Variants in TDP1 observed in about 807,000 individuals in gnomAD.
TDP1 encodes the protein tyr-DNA phosphodiesterase 1.
Under a neutral mutation model 81.5 loss-of-function variants are expected in TDP1, and 64 were observed. The observed-to-expected ratio is 0.79, with a 90% CI of 0.64 to 0.97. The LOEUF is 0.97. Ranked by LOEUF, TDP1 falls within the 50% of genes least tolerant of loss-of-function variation. The probability of loss-of-function intolerance (pLI) is 0.00; values close to 1 mark genes in which losing one functional copy is unlikely to be tolerated. For synonymous variants in TDP1, 256 were observed against 264.3 expected, an observed-to-expected ratio of 0.97 and a Z score of 0.30; for missense variants, 723 against 743.8, an observed-to-expected ratio of 0.97 and a Z score of 0.33.
At chr14:90,017,185 C>T (rs1374184181) in intron 14 of TDP1, among the ~76,000 whole-genome samples, 4 of 151,946 alleles carry the variant, frequency 2.6e-5, no homozygotes, top group South Asian at 2.1e-4. Context: ...AGACATAGTG[C>T]TTTTGCTGTA....
At chr14:90,024,961 C>A (rs1458670058) in intron 15 of TDP1, among the ~76,000 whole-genome samples, 1 of 152,162 alleles carries the variant, frequency 6.6e-6, no homozygotes, top group East Asian at 1.9e-4. Flanking sequence ...CCAGAATTTA[C>A]TTCCTTGAGA....
At chr14:89,972,488 C>T (rs769466423) in intron 6 of TDP1, among the ~76,000 whole-genome samples, 5 of 152,118 alleles carry the variant, frequency 3.3e-5, no homozygotes, top group East Asian at 1.9e-4. Context: ...GGCCAAGAAA[C>T]GGTTATTGCC....
chr14:90,019,069 A>C, intron 14 of TDP1: 1 of 984,916 alleles, frequency 1.0e-6, no homozygotes, highest in South Asian at 4.7e-5. Flanking sequence ...AATTATTTTA[A>C]TAGCTGCCCT....
chr14:90,032,034 G>A (rs189917544), intron 15 of TDP1, among the ~76,000 whole-genome samples: 2 of 152,270 alleles, frequency 1.3e-5, no homozygotes, highest in African/African-American at 2.4e-5. Flanking sequence ...CAAGGATATT[G>A]ATGTTTATGT....
intron 16 of TDP1, among the ~76,000 whole-genome samples, chr14:90,039,055 C>T (rs186945218): frequency 6.6e-6 from 1 of 152,094 alleles, no homozygotes; most frequent in East Asian, 1.9e-4. Context: ...AATCAGGAAG[C>T]TTAAGGAAAT....
In TDP1 at chr14:90,044,120, C is replaced by A. The variant is rs1256854509; in HGVS notation, c.*977C>A. 1 of 152,306 alleles carries A rather than the reference C, an allele frequency of 6.6e-6. No individual in the cohort carries two copies. The highest frequency in any genetic ancestry group is 1.9e-4 in the East Asian group (1 of 5,192). The allele number at this position is 152,306 out of a possible 1,614,324, so 9.4% of individuals were successfully genotyped here. The stretch of plus-strand genomic sequence containing the variant: ...TGGCACCCTGCTGGCTGCCTCACTG[C>A]TTACAGACAGGTCCCACCAAACCCA... On this transcript the variant is annotated 3_prime_UTR_variant, in exon 17 of 17. Transcript: ENST00000335725.
At chr14:89,992,067 A>C (rs1465759405) in intron 13 of TDP1, 84 bp downstream of exon 13, 1 of 1,146,046 alleles carries the variant, frequency 8.7e-7, no homozygotes, top group Non-Finnish European at 1.3e-6. Flanking sequence ...TTTTTTTTAA[A>C]AGGAACTTTA....
chr14:90,002,599 G>A (rs1250675423), intron 14 of TDP1, among the ~76,000 whole-genome samples: 1 of 151,920 alleles, frequency 6.6e-6, no homozygotes, highest in East Asian at 1.9e-4. Context: ...GCTAGGTGCA[G>A]TGGCTCACAC....
At position 89,967,942 on chromosome 14, in the gene TDP1, T is replaced by C. The variant is rs149741811; in HGVS notation, c.659+520T>C. On this transcript the variant is annotated intron_variant, in intron 5 of 16. Coordinates refer to ENST00000335725, the MANE Select transcript of TDP1 (RefSeq NM_018319.4). The stretch of plus-strand genomic sequence containing the variant: ...CTCATGTTAGGCAATACAGACCAAA[T>C]AGGGCATCACACAGGTGCCACCCTT... 5.5e-3 allele frequency among the ~76,000 whole-genome samples: 813 copies of C among 148,736 alleles called. 4 individuals carry two copies. The highest frequency in any genetic ancestry group is 8.7e-3 in the Non-Finnish European group (591 of 67,990).
chr14:89,975,581 G>GTT (rs35133244), intron 6 of TDP1, 200 bp from the exon 7 acceptor site: 4,191 of 266,978 alleles, frequency 0.016, 12 homozygotes, highest in Middle Eastern at 0.019. Flanking sequence ...CAAAATTTGT[G>GTT]TTTTTTTTTT....
At position 89,963,292 on chromosome 14, in the gene TDP1, A is replaced by G. The variant is rs144085779; in HGVS notation, c.178A>G (p.Ile60Val). Residue 60 changes from isoleucine to valine, a missense_variant, in exon 3 of 17, where the codon ATA (isoleucine) becomes GTA (valine). Coordinates refer to ENST00000335725, the MANE Select transcript of TDP1 (RefSeq NM_018319.4). ...EAQKAAHKRKISPVKFSNTDS... is the reference protein window; with the variant it reads ...EAQKAAHKRKVSPVKFSNTDS... Reference sequence around the variant, plus strand: ...CCAGAAAGCTGCACACAAGAGGAAAATATCACCTGTGAAATTCAGCAATAC... The same window carrying G: ...CCAGAAAGCTGCACACAAGAGGAAAGTATCACCTGTGAAATTCAGCAATAC... 6.2e-6 allele frequency: 10 copies of G among 1,614,086 alleles called. 1 individual carries two copies. Among genetic ancestry groups the G allele is most frequent in the Middle Eastern group, 3.3e-4 (2 of 6,084 alleles).
intron 15 of TDP1, chr14:90,032,833 G>T: frequency 1.0e-6 from 1 of 984,860 alleles, no homozygotes; most frequent in Non-Finnish European, 1.2e-6. Context: ...ATCCAAAATT[G>T]TCTCTCTTGT....
At position 90,027,479 on chromosome 14, in the gene TDP1, A is replaced by C. The variant is rs572787938; in HGVS notation, c.1645-5627A>C. Among the ~76,000 whole-genome samples, 5 of 152,170 alleles carry C rather than the reference A, an allele frequency of 3.3e-5. No individual in the cohort carries two copies. In the East Asian group the frequency reaches 9.6e-4, roughly 29 times the overall value. ...CATGTCCCCCAGGCTCCAGCCACCC[A>C]CAAGTATTTGTTAGCATATTAATGC... On this transcript the variant is annotated intron_variant, in intron 15 of 16. Transcript: ENST00000335725.
chr14:90,033,964 G>A (rs992908463), intron 16 of TDP1, among the ~76,000 whole-genome samples: 4 of 152,256 alleles, frequency 2.6e-5, no homozygotes, highest in African/African-American at 9.6e-5. Flanking sequence ...CTATTTGGAT[G>A]GCTGAGGTAG....
intron 14 of TDP1, among the ~76,000 whole-genome samples, chr14:90,010,196 T>G (rs1884537044): frequency 6.6e-6 from 1 of 152,182 alleles, no homozygotes; most frequent in South Asian, 2.1e-4. Flanking sequence ...TTTTTCTGAG[T>G]AAGACCTCAC....
intron 7 of TDP1, chr14:89,980,047 C>T (rs1354886490): frequency 2.9e-6 from 1 of 340,660 alleles, no homozygotes; most frequent in African/African-American, 2.2e-5. Flanking sequence ...CTTTACATTT[C>T]AGTGTATTGT....
chr14:90,008,973 CACTAGGATTACAGGCATGAGCTACCATG>C (rs1596628014), intron 14 of TDP1, among the ~76,000 whole-genome samples: 2 of 152,214 alleles, frequency 1.3e-5, no homozygotes, highest in East Asian at 3.8e-4. Context: ...CTTCCCAAAG[CACTAGGATTACAGGCATGAGCTACCATG>C]TCCAGCTCAA....
chr14:90,043,344 C>G lies in TDP1; in HGVS notation c.*201C>G. On this transcript the variant is annotated 3_prime_UTR_variant, in exon 17 of 17. Coordinates refer to ENST00000335725, the MANE Select transcript of TDP1 (RefSeq NM_018319.4). ...CTAATAAAGTATTAGTTTCTTAATT[C>G]ACTTTTATATGTTTTGGAAAGAAAA... is the stretch of plus-strand genomic sequence containing the variant. 1.5e-6 allele frequency: 1 copy of G among 652,424 alleles called. No individual in the cohort carries two copies. The highest frequency in any genetic ancestry group is 2.6e-6 in the Non-Finnish European group (1 of 380,252). The allele number at this position is 652,424 out of a possible 1,614,324, so 40.4% of individuals were successfully genotyped here.
At chr14:89,978,162 CT>C (rs1485382872) in intron 7 of TDP1, among the ~76,000 whole-genome samples, 2 of 152,250 alleles carry the variant, frequency 1.3e-5, no homozygotes, top group Non-Finnish European at 2.9e-5. Context: ...TCACCTACCC[CT>C]GTACCAGTAG....
Sources: gnomAD v4.1 joint callset for allele counts (sites outside exome capture counted in the v4.1 genomes callset) on GRCh38, gnomAD v4.1.1 for gene constraint, MANE v1.5 for transcripts, NCBI Gene and HGNC (gene_info 2026-07-23, HGNC 2026-07-21) for gene names.